CENATAC: variants seen among roughly 807,000 people sequenced by gnomAD.
CENATAC encodes centrosomal AT-AC splicing factor, also known as coiled-coil domain containing 84.
A neutral mutation model predicts 53.7 loss-of-function variants in CENATAC; 53 were observed. The ratio of observed to expected loss-of-function variants is 0.99; its 90% CI spans 0.79 to 1.24. The LOEUF (loss-of-function observed/expected upper bound fraction) is 1.24. Among genes scored for constraint, CENATAC ranks in the 50% most tolerant of loss-of-function variants. The pLI is 0.00. For synonymous variants in CENATAC, 156 were observed against 144.6 expected (o/e 1.08, Z -0.57); for missense variants, 474 against 417.8 (o/e 1.13, Z -1.17).
chr11:119,015,507 A>G (rs1420022853), intron 10 of CENATAC, 31 bp from the exon 11 acceptor site: 3 of 1,614,012 alleles, frequency 1.9e-6, no homozygotes, highest in Admixed American at 1.7e-5. Flanking sequence ...GTCACCCTTC[A>G]TCATCGTGTT....
intron 7 of CENATAC, 158 bp downstream of exon 7, chr11:119,012,412 A>C: frequency 2.6e-6 from 2 of 762,180 alleles, no homozygotes; most frequent in Non-Finnish European, 4.1e-6. Flanking sequence ...ACCTCTTCTC[A>C]CCCTCCAAAG....
intron 5 of CENATAC, 91 bp downstream of exon 5, chr11:119,011,374 CTTCTTCT>C (rs2134564081): frequency 2.4e-6 from 3 of 1,232,390 alleles, no homozygotes; most frequent in Non-Finnish European, 3.5e-6. Context: ...AGTGCTTCTT[CTTCTTCT>C]TTTTTTTTTG....
In CENATAC at chr11:118,998,191, C is replaced by T; in HGVS notation, c.-7C>T. 1 of 1,576,940 alleles carries T rather than the reference C, an allele frequency of 6.3e-7. No homozygotes were observed. ...CGCTGGTGGTGGTGATACCGGGTAC[C>T]CGGGCTATGGCGCCGGCGCAGCGCT... On this transcript the variant is annotated 5_prime_UTR_variant, in exon 1 of 11. Transcript: ENST00000334418.
At chr11:119,015,493 A>G in intron 10 of CENATAC, 45 bp from the exon 11 acceptor site, 1 of 1,613,920 alleles carries the variant, frequency 6.2e-7, no homozygotes, top group African/African-American at 1.3e-5. Context: ...TCCTTTTTGG[A>G]GATGTCACCC....
chr11:119,008,005 G>A (rs1379252996), intron 3 of CENATAC, among the ~76,000 whole-genome samples: 3 of 151,316 alleles, frequency 2.0e-5, no homozygotes, highest in African/African-American at 7.3e-5. Context: ...AGGACTGGAT[G>A]ACCCCAGTGT....
chr11:119,002,319 G>A (rs1254557185), intron 3 of CENATAC, among the ~76,000 whole-genome samples: 1 of 148,766 alleles, frequency 6.7e-6, no homozygotes, highest in Non-Finnish European at 1.5e-5. Context: ...AAAATGTTTA[G>A]AGTTGATAGG....
rs1249074245 is a variant in CENATAC at position 119,015,595 on chromosome 11, C to T, written c.996C>T (p.Ser332=). 6.2e-7 allele frequency: 1 copy of T among 1,614,008 alleles called. No individual in the cohort carries two copies. Among genetic ancestry groups the T allele is most frequent in the Non-Finnish European group, 8.5e-7 (1 of 1,180,016 alleles). Residue 332 remains serine, a synonymous_variant, in exon 11 of 11, where the codon AGC becomes AGT. Transcript: ENST00000334418. ...AGAAGCAGTCACATACAGAAAAAAG[C>T]TAATCATGCTCTCTACCAACTACCA... ...AMKKQSHTEK[S]
chr11:118,999,657 T>A (rs1422609110), intron 3 of CENATAC, among the ~76,000 whole-genome samples: 1 of 151,972 alleles, frequency 6.6e-6, no homozygotes, highest in East Asian at 1.9e-4. Flanking sequence ...CTTTTTTTCT[T>A]TTTCTTTTTA....
chr11:119,006,238 C>CTT (rs369673711), intron 3 of CENATAC, among the ~76,000 whole-genome samples: 2,536 of 126,950 alleles, frequency 0.02, 115 homozygotes, highest in African/African-American at 0.071. Context: ...CACACCCAAC[C>CTT]TTTTTTTTTT....
intron 3 of CENATAC, among the ~76,000 whole-genome samples, chr11:119,006,550 T>C (rs1435029470): frequency 4.6e-5 from 7 of 152,070 alleles, no homozygotes; most frequent in Non-Finnish European, 7.4e-5. Context: ...TTTGTATTTT[T>C]AGTAGAGATG....
At chr11:119,001,714 C>A (rs782719633) in intron 3 of CENATAC, 1 of 452,510 alleles carries the variant, frequency 2.2e-6, no homozygotes, top group South Asian at 1.6e-5. Context: ...CAAGAGTCAA[C>A]TGTATTTGCT....
intron 3 of CENATAC, chr11:119,003,136 T>G (rs1942396548): frequency 1.3e-5 from 5 of 379,432 alleles, no homozygotes; most frequent in Non-Finnish European, 2.0e-5. Flanking sequence ...GTCATAGAGC[T>G]TCTCTGGTGC....
At chr11:119,015,176 A>AGCATTTTG (rs1303341637) in intron 9 of CENATAC, 93 bp downstream of exon 9, 1 of 1,457,288 alleles carries the variant, frequency 6.9e-7, no homozygotes, top group African/African-American at 1.4e-5. Context: ...CTATAATCCT[A>AGCATTTTG]GCATTTTGGG....
chr11:119,009,481 G>A (rs1432229179), intron 3 of CENATAC: 4 of 150,800 alleles, frequency 2.7e-5, no homozygotes, highest in Admixed American at 1.3e-4. Context: ...AATCTGAGAG[G>A]GGTGGAACAG....
chr11:118,999,703 C>T (rs10892319), intron 3 of CENATAC, among the ~76,000 whole-genome samples: 19,554 of 152,128 alleles, frequency 0.13, 1,457 homozygotes, highest in Middle Eastern at 0.23. Flanking sequence ...AGTGCAGTGG[C>T]GCGATCTCCG....
intron 4 of CENATAC, 85 bp from the exon 5 acceptor site, chr11:119,011,136 G>T (rs541602969): frequency 8.4e-7 from 1 of 1,189,276 alleles, no homozygotes; most frequent in South Asian, 1.3e-5. Flanking sequence ...ACGCCTGGGG[G>T]TGGAGGGCCC....
rs543336250 is a variant in CENATAC at position 118,999,817 on chromosome 11, T to C, written c.383+708T>C. Among the ~76,000 whole-genome samples, 14 of 152,324 alleles carry C rather than the reference T, an allele frequency of 9.2e-5. No homozygotes were observed. The East Asian group carries it at 2.7e-3, about 29-fold the overall frequency. ...GCCACCACGCCCGGCTAATTTTTTG[T>C]ATTTTTAGTAGAGACGGGGTTTCAC... On this transcript the variant is annotated intron_variant, in intron 3 of 10. Coordinates refer to ENST00000334418, the MANE Select transcript of CENATAC (RefSeq NM_198489.3).
At chr11:119,003,145 G>GC in intron 3 of CENATAC, 1 of 377,378 alleles carries the variant, frequency 2.6e-6, no homozygotes, top group South Asian at 1.5e-5. Flanking sequence ...CTTCTCTGGT[G>GC]CTGTGGCTTA....
intron 3 of CENATAC, among the ~76,000 whole-genome samples, chr11:119,001,104 G>A (rs906546082): frequency 3.3e-5 from 5 of 152,032 alleles, no homozygotes; most frequent in Non-Finnish European, 7.4e-5. Context: ...GAGGTTAATG[G>A]TATGACATTA....
Sources: gnomAD v4.1 joint callset for allele counts (sites outside exome capture counted in the v4.1 genomes callset) on GRCh38, gnomAD v4.1.1 for gene constraint, MANE v1.5 for transcripts, NCBI Gene and HGNC (gene_info 2026-07-23, HGNC 2026-07-21) for gene names.